Variants in GALM observed in about 807,000 individuals in gnomAD.
GALM encodes aldose 1-epimerase.
Under a neutral mutation model 37.4 loss-of-function variants are expected in GALM, and 43 were observed. The ratio of observed to expected loss-of-function variants is 1.15; its 90% CI spans 0.90 to 1.48. The LOEUF (loss-of-function observed/expected upper bound fraction) is 1.48. Among genes scored for constraint, GALM ranks in the 40% most tolerant of loss-of-function variants. GALM has a pLI of 0.00. For synonymous variants in GALM, 199 were observed against 170.6 expected (o/e 1.17, Z -1.30); for missense variants, 456 against 419.1 (o/e 1.09, Z -0.77).
rs1665250922 is a variant in GALM at position 38,675,990 on chromosome 2, T to A, written c.269T>A (p.Val90Glu). Residue 90 changes from valine to glutamate, a missense_variant, in exon 2 of 7, where the codon GTG becomes GAG. Physicochemically the swap from Val to Glu is moderately radical, Grantham distance 121 (BLOSUM62 -2). Transcript: ENST00000272252. ...CGAATCGCCAAAGGAACCTTCAAGG[T>A]GGATGGGAAGGAGTATCACCTGGCC... ...ANRIAKGTFK[V>E]DGKEYHLAIN... 1.9e-6 allele frequency: 3 copies of A among 1,613,946 alleles called. No homozygotes were observed. Among genetic ancestry groups the A allele is most frequent in the Non-Finnish European group, 8.5e-7 (1 of 1,179,974 alleles).
intron 4 of GALM, among the ~76,000 whole-genome samples, chr2:38,703,714 T>A (rs1558588960): frequency 6.6e-6 from 1 of 152,102 alleles, no homozygotes; most frequent in Non-Finnish European, 1.5e-5. Context: ...GCTCTTTAAA[T>A]TCTATATAAA....
At chr2:38,731,083 C>A (rs749633888) in intron 5 of GALM, among the ~76,000 whole-genome samples, 1 of 151,818 alleles carries the variant, frequency 6.6e-6, no homozygotes, top group Non-Finnish European at 1.5e-5. Flanking sequence ...AAAAATTAGC[C>A]GGATGTGGTG....
intron 4 of GALM, among the ~76,000 whole-genome samples, chr2:38,717,999 T>C (rs1393883779): frequency 6.6e-6 from 1 of 150,458 alleles, no homozygotes; most frequent in African/African-American, 2.5e-5. Flanking sequence ...CATGCTTGGC[T>C]AATATTTTCT....
At chr2:38,722,501 T>C (rs1418633033) in intron 4 of GALM, among the ~76,000 whole-genome samples, 3 of 152,154 alleles carry the variant, frequency 2.0e-5, no homozygotes, top group Non-Finnish European at 2.9e-5. Context: ...CAGACCTTAA[T>C]ACACACCCAT....
At chr2:38,705,418 G>A (rs553165646) in intron 4 of GALM, among the ~76,000 whole-genome samples, 1 of 152,314 alleles carries the variant, frequency 6.6e-6, no homozygotes, top group South Asian at 2.1e-4. Context: ...CTCTGCCCTT[G>A]AGAAGCTCAG....
rs1665894978 is a variant in GALM at position 38,700,451 on chromosome 2, C to T, written c.634+10557C>T. On this transcript the variant is annotated intron_variant, in intron 4 of 6. Coordinates refer to ENST00000272252, the MANE Select transcript of GALM (RefSeq NM_138801.3). ...TATATATTTAGAATTGTTACCTCCT[C>T]TTACTGAATTGATCCCTTTATCATT... is the stretch of plus-strand genomic sequence containing the variant. Among the ~76,000 whole-genome samples, 4 of 152,030 alleles carry T rather than the reference C, an allele frequency of 2.6e-5. No individual in the cohort carries two copies. The South Asian group carries it at 8.3e-4, about 32-fold the overall frequency.
chr2:38,685,834 C>T (rs768823638), intron 3 of GALM, among the ~76,000 whole-genome samples: 1 of 152,110 alleles, frequency 6.6e-6, no homozygotes, highest in Non-Finnish European at 1.5e-5. Flanking sequence ...TCTCCCGCCT[C>T]AGCCTCTGGA....
Position 38,726,867 on chromosome 2 carries a change from G to C in GALM, c.635-2689G>C, listed in dbSNP as rs182195532. Among the ~76,000 whole-genome samples the C allele has an allele frequency of 1.2e-4, 18 of 148,556 alleles. No individual in the cohort carries two copies. In the East Asian group the frequency reaches 3.7e-3, roughly 31 times the overall value. On this transcript the variant is annotated intron_variant, in intron 4 of 6. Transcript: ENST00000272252. ...GCCGAGATCACGCCACTGCACTCCA[G>C]CCTGGGCAACAAGAGCAAAACTCTG...
intron 4 of GALM, among the ~76,000 whole-genome samples, chr2:38,692,035 A>G (rs946963724): frequency 2.6e-5 from 4 of 152,132 alleles, no homozygotes; most frequent in African/African-American, 9.7e-5. Context: ...GCATTCTCCA[A>G]TTCTACGAGG....
chr2:38,726,989 G>T (rs904565586), intron 4 of GALM, among the ~76,000 whole-genome samples: 1 of 151,946 alleles, frequency 6.6e-6, no homozygotes, highest in Non-Finnish European at 1.5e-5. Context: ...GCCAAGGTGG[G>T]TGGGTCACTT....
chr2:38,666,721 G>A (rs1664950905), intron 1 of GALM, among the ~76,000 whole-genome samples: 1 of 152,176 alleles, frequency 6.6e-6, no homozygotes, highest in African/African-American at 2.4e-5. Flanking sequence ...GAGGGGGTGT[G>A]GCTCCCACTT....
At chr2:38,713,905 A>C (rs200353948) in intron 4 of GALM, among the ~76,000 whole-genome samples, 9 of 2,912 alleles carry the variant, frequency 3.1e-3, no homozygotes, top group African/African-American at 8.2e-3. Flanking sequence ...ACCCTGCTTC[A>C]AAAAAAAAAA....
chr2:38,671,449 C>G (rs943727401), intron 1 of GALM: 2 of 152,076 alleles, frequency 1.3e-5, no homozygotes, highest in South Asian at 2.1e-4. Context: ...AGGAGAGAGA[C>G]AGAAAGGAGG....
At chr2:38,725,806 G>A (rs1385602576) in intron 4 of GALM, among the ~76,000 whole-genome samples, 1 of 151,908 alleles carries the variant, frequency 6.6e-6, no homozygotes, top group Non-Finnish European at 1.5e-5. Context: ...CCATCTCCCG[G>A]GTTCAAGCGA....
intron 4 of GALM, among the ~76,000 whole-genome samples, chr2:38,719,884 A>C (rs1267964134): frequency 2.7e-5 from 4 of 148,654 alleles, no homozygotes. Flanking sequence ...TAGGAATTTC[A>C]CTTTCCTTGC....
chr2:38,696,469 G>A (rs1572525899), intron 4 of GALM, among the ~76,000 whole-genome samples: 1 of 126,912 alleles, frequency 7.9e-6, no homozygotes, highest in African/African-American at 3.0e-5. Flanking sequence ...GTCTCTTTCT[G>A]TTGCCCAAGC....
intron 2 of GALM, 61 bp downstream of exon 2, chr2:38,676,127 G>C (rs1233412155): frequency 6.5e-7 from 1 of 1,542,066 alleles, no homozygotes; most frequent in Non-Finnish European, 9.0e-7. Context: ...CCTTCTGCTT[G>C]CCAGGCACAG....
intron 3 of GALM, chr2:38,682,174 G>A (rs977695582): frequency 3.2e-5 from 12 of 374,646 alleles, no homozygotes. Context: ...CCACATAAGA[G>A]TGGTGTAGAG....
chr2:38,719,601 C>G (rs1003090837), intron 4 of GALM, among the ~76,000 whole-genome samples: 2 of 151,390 alleles, frequency 1.3e-5, no homozygotes, highest in African/African-American at 4.9e-5. Flanking sequence ...ATGGTGAAAT[C>G]CTGTCTCTAC....
Sources: allele counts gnomAD v4.1 joint callset (sites outside exome capture counted in the v4.1 genomes callset), GRCh38; gene constraint gnomAD v4.1.1; transcripts MANE v1.5; gene names NCBI Gene and HGNC (gene_info 2026-07-23, HGNC 2026-07-21).